GNG12: variants seen among roughly 807,000 people sequenced by gnomAD.
GNG12 encodes G protein subunit gamma 12, also known as guanine nucleotide-binding protein G(I)/G(S)/G(O) subunit gamma-12.
For synonymous variants in GNG12, 28 were observed against 29.7 expected (o/e 0.94, Z 0.19); for missense variants, 69 against 83.8 (o/e 0.82, Z 0.69).
chr1:67,737,463 G>A (rs185063144), intron 2 of GNG12, among the ~76,000 whole-genome samples: 1 of 152,280 alleles, frequency 6.6e-6, no homozygotes, highest in East Asian at 1.9e-4. Context: ...TCAAGAAACC[G>A]AGGGTCTATC....
intron 2 of GNG12, among the ~76,000 whole-genome samples, chr1:67,750,485 ATTTCTT>A (rs1269792277): frequency 3.9e-5 from 6 of 152,060 alleles, no homozygotes; most frequent in African/African-American, 1.4e-4. Context: ...ACACTCCTTT[ATTTCTT>A]TTGTTTCACC....
chr1:67,759,342 C>T (rs941427376), intron 2 of GNG12, among the ~76,000 whole-genome samples: 8 of 152,212 alleles, frequency 5.3e-5, no homozygotes, highest in African/African-American at 1.9e-4. Flanking sequence ...AGTCTGAGAA[C>T]TATTCACCTC....
chr1:67,804,574 A>C (rs1026556217), intron 1 of GNG12, among the ~76,000 whole-genome samples: 3 of 152,182 alleles, frequency 2.0e-5, no homozygotes, highest in African/African-American at 7.2e-5. Flanking sequence ...ACAACTAAAA[A>C]GCTGAACAAA....
chr1:67,731,297 T>G (rs11809014), intron 2 of GNG12, among the ~76,000 whole-genome samples: 6,610 of 152,260 alleles, frequency 0.043, 428 homozygotes, highest in African/African-American at 0.14. Context: ...GCCCTGAGGA[T>G]GTACAAATAC....
chr1:67,827,291 G>A (rs1647016428), intron 1 of GNG12, among the ~76,000 whole-genome samples: 1 of 152,158 alleles, frequency 6.6e-6, no homozygotes, highest in African/African-American at 2.4e-5. Flanking sequence ...TGGGCCCAAA[G>A]TCACCCACTT....
intron 2 of GNG12, among the ~76,000 whole-genome samples, chr1:67,774,070 G>GTA (rs1646690415): frequency 6.6e-6 from 1 of 152,110 alleles, no homozygotes; most frequent in Admixed American, 6.5e-5. Context: ...ACTCTGTGTG[G>GTA]CATTATCTTT....
At position 67,710,166 on chromosome 1, in the gene GNG12, TTATATATATATAGTTATATATATAGTTA is replaced by T. The variant is rs1646285122; in HGVS notation, c.-26-2482_-26-2455del. Among the ~76,000 whole-genome samples, 6 of 20,082 alleles carry T rather than the reference TTATATATATATAGTTATATATATAGTTA, an allele frequency of 3.0e-4. 2 individuals carry two copies. The highest frequency in any genetic ancestry group is 4.9e-4 in the Non-Finnish European group (5 of 10,144). The allele number at this position is 20,082 out of a possible 152,430, so 13.2% of individuals were successfully genotyped here. On this transcript the variant is annotated intron_variant, in intron 2 of 3. Transcript: ENST00000370982. ...TATATATATAGTTATATATATATAG[TTATATATATATAGTTATATATATAGTTA>T]TATATATATAGTTATATATATAGTT...
intron 2 of GNG12, among the ~76,000 whole-genome samples, chr1:67,765,593 G>A (rs1646631214): frequency 6.6e-6 from 1 of 152,092 alleles, no homozygotes; most frequent in Non-Finnish European, 1.5e-5. Context: ...ACATAGAAAG[G>A]TTTGTATATT....
intron 1 of GNG12, among the ~76,000 whole-genome samples, chr1:67,811,556 T>C (rs1022696169): frequency 1.3e-5 from 2 of 152,206 alleles, no homozygotes; most frequent in Non-Finnish European, 2.9e-5. Context: ...CTGACTTGGC[T>C]ATCTTACATG....
At chr1:67,711,364 C>T (rs1646294616) in intron 2 of GNG12, among the ~76,000 whole-genome samples, 1 of 150,248 alleles carries the variant, frequency 6.7e-6, no homozygotes, top group African/African-American at 2.4e-5. Context: ...GGGAGTGCCA[C>T]AAATATGAGA....
At chr1:67,722,049 C>T (rs1646359195) in intron 2 of GNG12, among the ~76,000 whole-genome samples, 1 of 152,012 alleles carries the variant, frequency 6.6e-6, no homozygotes, top group Admixed American at 6.6e-5. Flanking sequence ...AGCATCTGAC[C>T]CACATTAAGA....
chr1:67,712,117 TGGGGAAACAA>T (rs536363102), intron 2 of GNG12, among the ~76,000 whole-genome samples: 41 of 152,340 alleles, frequency 2.7e-4, no homozygotes, highest in African/African-American at 7.7e-4. Context: ...ATAGAAAGCC[TGGGGAAACAA>T]ATATCTCCAA....
chr1:67,757,596 G>T (rs549049580), intron 2 of GNG12, among the ~76,000 whole-genome samples: 1 of 152,180 alleles, frequency 6.6e-6, no homozygotes, highest in Admixed American at 6.5e-5. Context: ...TCACAAATGG[G>T]AGCCTTTCCA....
intron 1 of GNG12, among the ~76,000 whole-genome samples, chr1:67,809,232 C>T (rs1322637160): frequency 2.0e-5 from 3 of 151,960 alleles, no homozygotes; most frequent in East Asian, 3.9e-4. Context: ...ATTCCCTGCC[C>T]CCACCAAAAA....
chr1:67,808,798 AGAT>A (rs1341509865), intron 1 of GNG12, among the ~76,000 whole-genome samples: 1 of 152,192 alleles, frequency 6.6e-6, no homozygotes, highest in African/African-American at 2.4e-5. Flanking sequence ...ATATCTAAGA[AGAT>A]CTAAATGAAA....
At chr1:67,736,868 C>T (rs1203302636) in intron 2 of GNG12, among the ~76,000 whole-genome samples, 1 of 152,196 alleles carries the variant, frequency 6.6e-6, no homozygotes, top group East Asian at 1.9e-4. Flanking sequence ...CTCTTAGGAC[C>T]TCATTTGTGC....
intron 1 of GNG12, among the ~76,000 whole-genome samples, chr1:67,826,291 A>C (rs931494159): frequency 1.3e-5 from 2 of 152,344 alleles, no homozygotes; most frequent in Non-Finnish European, 2.9e-5. Flanking sequence ...TAGCATCAGA[A>C]AGAAGTTCCC....
At chr1:67,828,160 G>C (rs957108394) in intron 1 of GNG12, among the ~76,000 whole-genome samples, 1 of 152,168 alleles carries the variant, frequency 6.6e-6, no homozygotes, top group Non-Finnish European at 1.5e-5. Context: ...GGGTCACCAA[G>C]GACTGGGCCT....
chr1:67,793,268 C>T (rs564341422), intron 1 of GNG12, among the ~76,000 whole-genome samples: 3 of 152,302 alleles, frequency 2.0e-5, no homozygotes, highest in African/African-American at 7.2e-5. Context: ...CAAATTCTAA[C>T]ATTAGTGATA....
Sources: allele counts gnomAD v4.1 joint callset (sites outside exome capture counted in the v4.1 genomes callset), GRCh38; gene constraint gnomAD v4.1.1; transcripts MANE v1.5; gene names NCBI Gene and HGNC (gene_info 2026-07-23, HGNC 2026-07-21).